Variants in NRXN2 observed in about 807,000 individuals in gnomAD.
NRXN2 encodes neurexin 2.
In NRXN2, 29 loss-of-function variants were observed where a neutral mutation model predicts 128.8. The ratio of observed to expected loss-of-function variants is 0.23; its 90% CI spans 0.17 to 0.31. The LOEUF (loss-of-function observed/expected upper bound fraction) is 0.31. Among genes scored for constraint, NRXN2 ranks in the 10% least tolerant of loss-of-function variants. The pLI, the probability that NRXN2 is intolerant of heterozygous loss-of-function variation, is 1.00. For missense variants in NRXN2, 1,881 were observed against 2,452.6 expected (o/e 0.77, Z 4.92); for synonymous variants, 1,098 against 1,075.2 (o/e 1.02, Z -0.41).
At position 64,653,702 on chromosome 11, in the gene NRXN2, C is replaced by G; in HGVS notation, c.2410G>C (p.Ala804Pro). The G allele has an allele frequency of 6.3e-7, 1 of 1,595,908 alleles. No homozygotes were observed. The highest frequency in any genetic ancestry group is 8.5e-7 in the Non-Finnish European group (1 of 1,172,802). ...VNLDCLRVGCAPSKGPETLFA... is the reference protein window; with the variant it reads ...VNLDCLRVGCPPSKGPETLFA... ...GAAGAGGGAAGCCACTTACTGGGTG[C>G]GCAGCCGACGCGCAGGCAGTCTGGG... is the stretch of plus-strand genomic sequence containing the variant. Residue 804 changes from alanine to proline, a missense_variant, in exon 12 of 23, where the codon GCA becomes CCA. Ala to Pro is a conservative substitution (Grantham distance 27, BLOSUM62 -1). Coordinates refer to ENST00000265459, the MANE Select transcript of NRXN2 (RefSeq NM_015080.4).
At chr11:64,652,967 A>G (rs1030180071) in intron 12 of NRXN2, among the ~76,000 whole-genome samples, 1 of 141,648 alleles carries the variant, frequency 7.1e-6, no homozygotes. Context: ...AGCATGCCAC[A>G]CACACATGAA....
chr11:64,661,173 C>T (rs758349501), intron 9 of NRXN2, 34 bp from the exon 10 acceptor site: 1 of 1,612,730 alleles, frequency 6.2e-7, no homozygotes, highest in South Asian at 1.1e-5. Context: ...TGGAGAAAAG[C>T]CACAGGCCAG....
chr11:64,702,068 C>T (rs1206711475), intron 2 of NRXN2, among the ~76,000 whole-genome samples: 9 of 149,208 alleles, frequency 6.0e-5, no homozygotes, highest in African/African-American at 1.7e-4. Flanking sequence ...TCTGCCCTGC[C>T]GCCCCTACTG....
Position 64,623,206 on chromosome 11 carries a change from G to A in NRXN2, c.3848-128C>T. ...GAGGAGAAAGCCAGTAAGGGAGGAG[G>A]GGACGGGGAGAAATGAGGAAGGGGC... On this transcript the variant is annotated intron_variant, in intron 20 of 22. Coordinates refer to ENST00000265459, the MANE Select transcript of NRXN2 (RefSeq NM_015080.4). This position sits in a 1 kb window ranked among gnomAD's most constrained non-coding sequence, Gnocchi z 4.9. 1 of 1,393,890 alleles carries A rather than the reference G, an allele frequency of 7.2e-7. No homozygotes were observed. The highest frequency in any genetic ancestry group is 1.5e-5 in the South Asian group (1 of 68,092). 86.3% of individuals were successfully genotyped at this position (1,393,890 alleles called of 1,614,324 possible).
Position 64,652,035 on chromosome 11 carries a change from C to A in NRXN2, c.2536G>T (p.Gly846Ter). Residue 846 changes from glycine to a stop codon, truncating the protein, a stop_gained and splice_region_variant, in exon 13 of 23, where the codon GGA (glycine) becomes TGA (stop). Coordinates refer to ENST00000265459, the MANE Select transcript of NRXN2 (RefSeq NM_015080.4). LOFTEE classifies it high-confidence loss of function. ...QLSVDNVTVE[G>*]QMAGAHMRLE... is the part of the protein sequence containing the mutation. ...ACCTCCCTGGGCCCAGACCACCTAC[C>A]CTCCACAGTCACGTTGTCCACAGAC... The A allele has an allele frequency of 6.2e-7, 1 of 1,611,764 alleles. No individual in the cohort carries two copies. Among genetic ancestry groups the A allele is most frequent in the South Asian group, 1.1e-5 (1 of 91,074 alleles).
At chr11:64,676,725 C>G (rs964024342) in intron 7 of NRXN2, 5 of 556,462 alleles carry the variant, frequency 9.0e-6, no homozygotes, top group Admixed American at 6.3e-5. Context: ...AATCTGAATT[C>G]AGGAGTTAGG....
intron 6 of NRXN2, among the ~76,000 whole-genome samples, chr11:64,680,361 AC>A (rs1301745501): frequency 6.6e-6 from 1 of 152,212 alleles, no homozygotes; most frequent in African/African-American, 2.4e-5. Flanking sequence ...CATAAGAGGG[AC>A]CCATTTTTCA....
chr11:64,670,468 G>A (rs1265422460), intron 7 of NRXN2, among the ~76,000 whole-genome samples: 1 of 152,068 alleles, frequency 6.6e-6, no homozygotes, highest in African/African-American at 2.4e-5. Flanking sequence ...GATAAGACAG[G>A]GAGTGGGTAA....
chr11:64,688,490 A>T (rs904928130), intron 5 of NRXN2: 1 of 985,248 alleles, frequency 1.0e-6, no homozygotes. Flanking sequence ...GAGGGATTCT[A>T]CTGGGGTGAG....
At chr11:64,641,507 G>C (rs1256528639) in intron 17 of NRXN2, among the ~76,000 whole-genome samples, 1 of 151,998 alleles carries the variant, frequency 6.6e-6, no homozygotes, top group Non-Finnish European at 1.5e-5. Context: ...GTAATGGGGA[G>C]GACAGAGCTT....
intron 22 of NRXN2, among the ~76,000 whole-genome samples, chr11:64,617,280 A>C (rs1030153201): frequency 1.3e-5 from 2 of 151,984 alleles, no homozygotes; most frequent in African/African-American, 4.8e-5. Flanking sequence ...ACATGTGCAT[A>C]CAGACCCTGC....
At chr11:64,702,664 G>A (rs1336489728) in intron 2 of NRXN2, among the ~76,000 whole-genome samples, 1 of 151,624 alleles carries the variant, frequency 6.6e-6, no homozygotes, top group Non-Finnish European at 1.5e-5. Context: ...CAAACACTGC[G>A]GAAGGCCGCA....
chr11:64,651,787 C>T lies in NRXN2; in HGVS notation c.2537-151G>A. 9.9e-7 allele frequency: 1 copy of T among 1,011,548 alleles called. No homozygotes were observed. The highest frequency in any genetic ancestry group is 1.5e-6 in the Non-Finnish European group (1 of 679,566). 62.7% of individuals were successfully genotyped at this position (1,011,548 alleles called of 1,614,324 possible). ...TAGGCACTAGCAGCCAGCACAGCTCCAAGAGGAGTGGCAGGACTCGCCAGT... is the reference window on the plus strand; with the variant it reads ...TAGGCACTAGCAGCCAGCACAGCTCTAAGAGGAGTGGCAGGACTCGCCAGT... On this transcript the variant is annotated intron_variant, in intron 13 of 22. Coordinates refer to ENST00000265459, the MANE Select transcript of NRXN2 (RefSeq NM_015080.4). This position sits in a 1 kb window ranked among gnomAD's most constrained non-coding sequence, Gnocchi z 5.9.
At chr11:64,670,515 C>G (rs1452472942) in intron 7 of NRXN2, among the ~76,000 whole-genome samples, 1 of 152,014 alleles carries the variant, frequency 6.6e-6, no homozygotes, top group Non-Finnish European at 1.5e-5. Flanking sequence ...AATTCAGCTC[C>G]ATCCAGCCCT....
intron 17 of NRXN2, among the ~76,000 whole-genome samples, chr11:64,644,133 CAT>C (rs1218880599): frequency 2.6e-5 from 4 of 152,114 alleles, no homozygotes; most frequent in African/African-American, 9.7e-5. Flanking sequence ...GCTCACAGGG[CAT>C]ACATCCGTGC....
chr11:64,681,342 G>C (rs1008629709), intron 6 of NRXN2, among the ~76,000 whole-genome samples: 1 of 152,142 alleles, frequency 6.6e-6, no homozygotes, highest in African/African-American at 2.4e-5. Flanking sequence ...CAACCAATTT[G>C]CTTACCACCT....
At position 64,608,076 on chromosome 11, in the gene NRXN2, TCTC is replaced by T. The variant is rs1189277352; in HGVS notation, c.4256_4258del (p.Gly1419del). 1 of 1,584,878 alleles carries T rather than the reference TCTC, an allele frequency of 6.3e-7. No individual in the cohort carries two copies. The highest frequency in any genetic ancestry group is 8.5e-7 in the Non-Finnish European group (1 of 1,173,888). On this transcript the variant is annotated inframe_deletion, in exon 23 of 23. Coordinates refer to ENST00000265459, the MANE Select transcript of NRXN2 (RefSeq NM_015080.4). ...CTCCGTGATAATGGGCAATATTAAC[TCTC>T]CTCCTAGAACAAGAGAGAGAAGAGA... is the stretch of plus-strand genomic sequence containing the variant.
At position 64,692,845 on chromosome 11, in the gene NRXN2, A is replaced by G; in HGVS notation, c.778+2T>C. 1 of 1,613,792 alleles carries G rather than the reference A, an allele frequency of 6.2e-7. No homozygotes were observed. Among genetic ancestry groups the G allele is most frequent in the South Asian group, 1.1e-5 (1 of 91,054 alleles). Reference sequence around the variant, plus strand: ...AAACCAAACCAAAACTTCAAACCATACCTTCGCTGTTTAACGTCAGGTGAG... The same window carrying G: ...AAACCAAACCAAAACTTCAAACCATGCCTTCGCTGTTTAACGTCAGGTGAG... On this transcript the variant is annotated splice_donor_variant, in intron 4 of 22. Coordinates refer to ENST00000265459, the MANE Select transcript of NRXN2 (RefSeq NM_015080.4). LOFTEE classifies it high-confidence loss of function.
intron 12 of NRXN2, among the ~76,000 whole-genome samples, chr11:64,652,978 G>A (rs1294256741): frequency 6.9e-6 from 1 of 144,752 alleles, no homozygotes; most frequent in East Asian, 2.3e-4. Flanking sequence ...CACACATGAA[G>A]AGCAGGGCGC....
Sources: allele counts gnomAD v4.1 joint callset (sites outside exome capture counted in the v4.1 genomes callset), GRCh38; gene constraint gnomAD v4.1.1; non-coding constraint Gnocchi (gnomAD v3.1); transcripts MANE v1.5; gene names NCBI Gene and HGNC (gene_info 2026-07-23, HGNC 2026-07-21).